The following SEC14L1 variants were observed in gnomAD, a reference collection of about 807,000 sequenced individuals.
SEC14L1 encodes the protein SEC14-like protein 1.
SEC14L1 carries 48 observed loss-of-function variants against 85.3 expected under a neutral mutation model. That is an observed-to-expected ratio of 0.56 (90% confidence interval 0.45 to 0.72). SEC14L1 has a LOEUF of 0.72. Ranked by LOEUF, SEC14L1 falls within the 30% of genes least tolerant of loss-of-function variation. The probability of loss-of-function intolerance (pLI) is 0.00; values close to 1 mark genes in which losing one functional copy is unlikely to be tolerated. For synonymous variants in SEC14L1, 391 were observed against 355.5 expected, an observed-to-expected ratio of 1.10 and a Z score of -1.12; for missense variants, 682 against 921.4, an observed-to-expected ratio of 0.74 and a Z score of 3.36.
chr17:77,107,908 T>C (rs1209034789), intron 3 of SEC14L1, among the ~76,000 whole-genome samples: 2 of 152,178 alleles, frequency 1.3e-5, no homozygotes, highest in East Asian at 3.8e-4. Context: ...ATTGACTTTT[T>C]ATTTATTTAT....
intron 3 of SEC14L1, among the ~76,000 whole-genome samples, chr17:77,133,888 A>G (rs1450338686): frequency 6.7e-6 from 1 of 149,976 alleles, no homozygotes; most frequent in Admixed American, 6.7e-5. Flanking sequence ...GCAGTGAACT[A>G]AGATCATGCC....
At chr17:77,204,522 C>CCTTTTTTTT (rs1555628453) in intron 10 of SEC14L1, among the ~76,000 whole-genome samples, 2 of 84,728 alleles carry the variant, frequency 2.4e-5, no homozygotes. Context: ...GCCCAGCCAG[C>CCTTTTTTTT]TTTTTTTTTT....
At chr17:77,164,674 A>G (rs1236337958) in intron 3 of SEC14L1, among the ~76,000 whole-genome samples, 1 of 151,952 alleles carries the variant, frequency 6.6e-6, no homozygotes, top group Admixed American at 6.6e-5. Flanking sequence ...GGGAAAGGAC[A>G]CTTGGATAGC....
chr17:77,140,669 G>GGCCCC (rs1373238046), upstream of SEC14L1: 1 of 151,410 alleles, frequency 6.6e-6, no homozygotes, highest in Non-Finnish European at 1.5e-5. Flanking sequence ...AGCCCAGCCC[G>GGCCCC]GCCCCGCCCC....
In SEC14L1 at chr17:77,216,759, A is replaced by G. The variant is rs754681950; in HGVS notation, c.*2736A>G. On this transcript the variant is annotated 3_prime_UTR_variant, in exon 17 of 17. Transcript: ENST00000436233. ...AGAGCTCAAAGCACATGACCGCACA[A>G]ATGCTTACAGGGTTTCCTCCCGAGT... 8.5e-5 allele frequency: 80 copies of G among 939,084 alleles called. No homozygotes were observed. The highest frequency in any genetic ancestry group is 1.2e-4 in the Non-Finnish European group (78 of 631,548). The allele number at this position is 939,084 out of a possible 1,614,324, so 58.2% of individuals were successfully genotyped here.
intron 3 of SEC14L1, among the ~76,000 whole-genome samples, chr17:77,172,986 C>T (rs1477422311): frequency 2.0e-5 from 3 of 152,184 alleles, no homozygotes; most frequent in African/African-American, 7.2e-5. Context: ...GTCATAGCAG[C>T]CCTGCGAATC....
At chr17:77,196,055 A>G (rs1287737195) in intron 7 of SEC14L1, 147 bp from the exon 8 acceptor site, 10 of 623,934 alleles carry the variant, frequency 1.6e-5, no homozygotes, top group Admixed American at 5.7e-5. Flanking sequence ...CAAGTCCTCT[A>G]AGGAATCTGG....
intron 3 of SEC14L1, among the ~76,000 whole-genome samples, chr17:77,175,805 A>G (rs1317308752): frequency 6.6e-6 from 1 of 152,222 alleles, no homozygotes; most frequent in African/African-American, 2.4e-5. Flanking sequence ...TCTGGGACAA[A>G]TCAGCCTAAT....
chr17:77,162,147 A>G (rs746914624), intron 3 of SEC14L1, among the ~76,000 whole-genome samples: 1 of 152,140 alleles, frequency 6.6e-6, no homozygotes, highest in African/African-American at 2.4e-5. Context: ...ACCGGACCCC[A>G]GTCCTGGCGC....
intron 3 of SEC14L1, among the ~76,000 whole-genome samples, chr17:77,146,239 C>G (rs555117007): frequency 6.6e-6 from 1 of 152,108 alleles, no homozygotes; most frequent in African/African-American, 2.4e-5. Flanking sequence ...GAGTGGCTGC[C>G]CACGGCCCGG....
chr17:77,208,222 A>G (rs1013313060), intron 13 of SEC14L1, among the ~76,000 whole-genome samples: 2 of 152,232 alleles, frequency 1.3e-5, no homozygotes, highest in African/African-American at 4.8e-5. Flanking sequence ...AGGAAATTAC[A>G]GGCATCATCA....
At chr17:77,114,396 C>T (rs1022387975) in intron 3 of SEC14L1, among the ~76,000 whole-genome samples, 4 of 150,362 alleles carry the variant, frequency 2.7e-5, no homozygotes, top group Non-Finnish European at 5.9e-5. Context: ...TGGTGGCGAT[C>T]ACCTGAAATC....
At chr17:77,163,604 A>G (rs1381327227) in intron 3 of SEC14L1, among the ~76,000 whole-genome samples, 1 of 152,146 alleles carries the variant, frequency 6.6e-6, no homozygotes, top group Non-Finnish European at 1.5e-5. Context: ...GACTTTTCTG[A>G]GCCTGTTCAC....
intron 3 of SEC14L1, among the ~76,000 whole-genome samples, chr17:77,116,182 A>T (rs1231134063): frequency 6.6e-6 from 1 of 152,068 alleles, no homozygotes; most frequent in African/African-American, 2.4e-5. Flanking sequence ...AGTCCCCCAA[A>T]GTGTTGGGAT....
chr17:77,151,518 G>T (rs1292096881), intron 3 of SEC14L1, among the ~76,000 whole-genome samples: 1 of 152,054 alleles, frequency 6.6e-6, no homozygotes, highest in Non-Finnish European at 1.5e-5. Flanking sequence ...AGGCAGTTGT[G>T]GTGCAGTAGG....
Position 77,180,898 on chromosome 17 carries a change from A to G in SEC14L1, c.64-9905A>G, listed in dbSNP as rs1483396687. The G allele has an allele frequency of 2.6e-5, 4 of 152,234 alleles. No individual in the cohort carries two copies. The East Asian group carries it at 5.8e-4, about 22-fold the overall frequency. The allele number at this position is 152,234 out of a possible 1,614,324, so 9.4% of individuals were successfully genotyped here. On this transcript the variant is annotated intron_variant, in intron 3 of 16. Coordinates refer to ENST00000436233, the MANE Select transcript of SEC14L1 (RefSeq NM_001143998.2). ...ATGCAATTTGAAACCTCGGTTTACC[A>G]GTGAACTAAACAGAAGTTGTTTCTC...
chr17:77,214,015 T>G lies in SEC14L1; in HGVS notation c.2140T>G (p.Ser714Ala). ...SSQSHSSSMISR is the reference protein window; with the variant it reads ...SSQSHSSSMIAR Reference sequence around the variant, plus strand: ...CCAGTCCCACTCCAGCTCCATGATCTCCAGGTAGTGCCGCGCTGCCTGCAC... The same window carrying G: ...CCAGTCCCACTCCAGCTCCATGATCGCCAGGTAGTGCCGCGCTGCCTGCAC... Residue 714 changes from serine to alanine, a missense_variant, in exon 17 of 17, where the codon TCC (serine) becomes GCC (alanine). By Grantham distance (99) the Ser-to-Ala change is moderately conservative. Coordinates refer to ENST00000436233, the MANE Select transcript of SEC14L1 (RefSeq NM_001143998.2). 1 of 1,612,578 alleles carries G rather than the reference T, an allele frequency of 6.2e-7. No homozygotes were observed. The highest frequency in any genetic ancestry group is 8.5e-7 in the Non-Finnish European group (1 of 1,179,894).
intron 6 of SEC14L1, among the ~76,000 whole-genome samples, chr17:77,193,989 A>G (rs1975672889): frequency 6.6e-6 from 1 of 152,156 alleles, no homozygotes; most frequent in Non-Finnish European, 1.5e-5. Flanking sequence ...TGTGGTTTTG[A>G]AATCTATCCG....
intron 14 of SEC14L1, 129 bp downstream of exon 14, chr17:77,209,605 T>C: frequency 2.2e-6 from 2 of 913,808 alleles, no homozygotes; most frequent in Non-Finnish European, 3.2e-6. Flanking sequence ...CTTTAGGCTT[T>C]TGTTGACACT....
Sources: allele counts gnomAD v4.1 joint callset (sites outside exome capture counted in the v4.1 genomes callset), GRCh38; gene constraint gnomAD v4.1.1; transcripts MANE v1.5; gene names NCBI Gene and HGNC (gene_info 2026-07-23, HGNC 2026-07-21).